Variants in PKD1L1 observed in about 807,000 individuals in gnomAD.
PKD1L1 encodes polycystin 1 like 1, transient receptor potential channel interacting, also known as polycystin-1-like protein 1.
Under a neutral mutation model 323.4 loss-of-function variants are expected in PKD1L1, and 236 were observed. That is an observed-to-expected ratio of 0.73 (90% CI 0.66 to 0.81). The LOEUF (loss-of-function observed/expected upper bound fraction) is 0.81. Among genes scored for constraint, PKD1L1 ranks in the 40% least tolerant of loss-of-function variants. The pLI is 0.00. For missense variants in PKD1L1, 3,320 were observed against 3,508.0 expected, an observed-to-expected ratio of 0.95 and a Z score of 1.35; for synonymous variants, 1,344 against 1,335.0, an observed-to-expected ratio of 1.01 and a Z score of -0.15.
chr7:47,876,691 T>C (rs555556271), intron 22 of PKD1L1, among the ~76,000 whole-genome samples: 1 of 152,224 alleles, frequency 6.6e-6, no homozygotes, highest in South Asian at 2.1e-4. Context: ...GGGAGGTCAG[T>C]GTCCTGGCTG....
At chr7:47,882,307 T>TCCC (rs1562971494) in intron 19 of PKD1L1, among the ~76,000 whole-genome samples, 1 of 120,918 alleles carries the variant, frequency 8.3e-6, no homozygotes, top group Non-Finnish European at 1.7e-5. Context: ...CCTCCCTCCC[T>TCCC]TCCTATCTTC....
chr7:47,790,756 T>C (rs572435773), intron 56 of PKD1L1, among the ~76,000 whole-genome samples: 1 of 142,492 alleles, frequency 7.0e-6, no homozygotes. Context: ...TTATTTTTTA[T>C]TTTTATTTTT....
chr7:47,934,857 AG>A (rs1186730317), intron 4 of PKD1L1, among the ~76,000 whole-genome samples: 1 of 152,172 alleles, frequency 6.6e-6, no homozygotes, highest in East Asian at 1.9e-4. Context: ...GTTGCTAGGA[AG>A]GAAGACCCTT....
intron 31 of PKD1L1, among the ~76,000 whole-genome samples, chr7:47,851,257 C>T (rs1264698357): frequency 1.3e-5 from 2 of 152,202 alleles, no homozygotes; most frequent in Non-Finnish European, 1.5e-5. Flanking sequence ...TAAGCCAGGA[C>T]ACGCTGGTGT....
chr7:47,810,913 G>C (rs913405396), intron 50 of PKD1L1, among the ~76,000 whole-genome samples: 3 of 152,236 alleles, frequency 2.0e-5, no homozygotes, highest in Admixed American at 6.5e-5. Flanking sequence ...GGGCTCCTAA[G>C]GAAGTAATCA....
rs1292264976 is a variant in PKD1L1 at position 47,827,370 on chromosome 7, ACT to A, written c.6832_6833del (p.Arg2279HisfsTer30). ...RGTRQRMRRE[S>X]RTRAALRDIS... ...CCCACCTCAGGGCAGCCCGTGTGCG[ACT>A]CTCTCTCCTCATCCTCTGTCTGGTG... On this transcript the variant is annotated frameshift_variant, in exon 45 of 57. Transcript: ENST00000289672. LOFTEE classifies it high-confidence loss of function. 6.2e-7 allele frequency: 1 copy of A among 1,611,408 alleles called. No homozygotes were observed.
rs1184760999 is a variant in PKD1L1, at chr7:47,827,259, A to G, written c.6854+91T>C. 3.5e-6 allele frequency: 4 copies of G among 1,149,580 alleles called. No individual in the cohort carries two copies. The South Asian group carries it at 4.9e-5, about 14-fold the overall frequency. 71.2% of individuals were successfully genotyped at this position (1,149,580 alleles called of 1,614,324 possible). A position where few individuals can be genotyped will look rare whatever the true frequency, so the allele number is the denominator to read the frequency against. The stretch of plus-strand genomic sequence containing the variant: ...CCACTCCCCACTCCTCCAGGAGAAC[A>G]ATCTCCCAGGAGGACCAGCGGCAGT... On this transcript the variant is annotated intron_variant, in intron 45 of 56. Coordinates refer to ENST00000289672, the MANE Select transcript of PKD1L1 (RefSeq NM_138295.5).
intron 19 of PKD1L1, among the ~76,000 whole-genome samples, chr7:47,882,300 CCCTCCCTT>C (rs1336509481): frequency 1.6e-5 from 2 of 127,958 alleles, no homozygotes; most frequent in African/African-American, 2.8e-5. Context: ...CTCCCTCCCT[CCCTCCCTT>C]CCTATCTTCC....
chr7:47,904,949 A>G (rs772692371), intron 11 of PKD1L1, among the ~76,000 whole-genome samples: 1 of 152,182 alleles, frequency 6.6e-6, no homozygotes, highest in Non-Finnish European at 1.5e-5. Context: ...AAAGCCCTAC[A>G]CCGTTTCCCT....
At chr7:47,778,668 T>C (rs541192431) in intron 56 of PKD1L1, among the ~76,000 whole-genome samples, 2 of 152,350 alleles carry the variant, frequency 1.3e-5, no homozygotes, top group Non-Finnish European at 2.9e-5. Flanking sequence ...AGACTATGTA[T>C]TACTGATATA....
chr7:47,884,889 G>T (rs1166818053), intron 18 of PKD1L1, among the ~76,000 whole-genome samples: 2 of 152,088 alleles, frequency 1.3e-5, no homozygotes, highest in Non-Finnish European at 2.9e-5. Context: ...AGCTCCAATA[G>T]GTGTGTGGTT....
intron 26 of PKD1L1, among the ~76,000 whole-genome samples, chr7:47,859,236 G>A (rs1184488221): frequency 2.0e-5 from 3 of 151,972 alleles, no homozygotes; most frequent in Admixed American, 1.3e-4. Flanking sequence ...AAACCCCAAC[G>A]ACCACTTTGC....
At chr7:47,837,142 T>C (rs1379417440) in intron 36 of PKD1L1, 48 bp from the exon 37 acceptor site, 1 of 1,595,004 alleles carries the variant, frequency 6.3e-7, no homozygotes, top group Admixed American at 1.7e-5. Flanking sequence ...AGCATTTCTG[T>C]CAGCAAAGCA....
chr7:47,836,074 C>G (rs1785450908), intron 37 of PKD1L1, among the ~76,000 whole-genome samples: 1 of 152,238 alleles, frequency 6.6e-6, no homozygotes, highest in Non-Finnish European at 1.5e-5. Context: ...AGGCCCTGGT[C>G]TATTTCCAGG....
intron 12 of PKD1L1, 91 bp downstream of exon 12, chr7:47,904,287 G>T: frequency 6.5e-7 from 1 of 1,543,650 alleles, no homozygotes; most frequent in Non-Finnish European, 8.8e-7. Flanking sequence ...CTGACAGGCA[G>T]GTCTCTATGT....
Position 47,813,227 on chromosome 7 carries a change from G to A in PKD1L1, c.7240C>T (p.Pro2414Ser). ...GGGTCTATCAGGTAGGGGTTCTCAG[G>A]GCCTCCAACTTCGGGACTACATGTA... Reference protein sequence around the residue: ...IPTCSPEVGGPENPYLIDPEN... With the variant: ...IPTCSPEVGGSENPYLIDPEN... The change falls in exon 49 of 57, where the codon CCT (proline) becomes TCT (serine). Residue 2414 changes from proline to serine, a missense_variant. By Grantham distance (74) the Pro-to-Ser change is moderately conservative. Transcript: ENST00000289672. 1 of 1,614,150 alleles carries A rather than the reference G, an allele frequency of 6.2e-7. No homozygotes were observed. Among genetic ancestry groups the A allele is most frequent in the South Asian group, 1.1e-5 (1 of 91,078 alleles).
intron 52 of PKD1L1, among the ~76,000 whole-genome samples, chr7:47,807,590 T>C (rs1397586438): frequency 6.6e-6 from 1 of 152,132 alleles, no homozygotes; most frequent in East Asian, 1.9e-4. Context: ...GCAGAGTATG[T>C]GGGCTCATCT....
chr7:47,888,364 C>T (rs1786729993), intron 16 of PKD1L1, among the ~76,000 whole-genome samples: 3 of 152,206 alleles, frequency 2.0e-5, no homozygotes, highest in Admixed American at 6.5e-5. Context: ...ACTGTGAGAT[C>T]CAGTGAGGCA....
At chr7:47,847,488 T>C (rs1432540883) in intron 31 of PKD1L1, among the ~76,000 whole-genome samples, 1 of 152,176 alleles carries the variant, frequency 6.6e-6, no homozygotes, top group East Asian at 1.9e-4. Flanking sequence ...AATTTCAGTA[T>C]ACCCAGGGTC....
Sources: gnomAD v4.1 joint callset for allele counts (sites outside exome capture counted in the v4.1 genomes callset) on GRCh38, gnomAD v4.1.1 for gene constraint, MANE v1.5 for transcripts, NCBI Gene and HGNC (gene_info 2026-07-23, HGNC 2026-07-21) for gene names.